The following PLEKHA6 variants were observed in gnomAD, a reference collection of about 807,000 sequenced individuals.
The protein encoded by PLEKHA6 is pleckstrin homology domain containing A6.
In PLEKHA6, 60 loss-of-function variants were observed where a neutral mutation model predicts 116.7. The ratio of observed to expected loss-of-function variants is 0.51; its 90% CI spans 0.42 to 0.64. The LOEUF is 0.64. PLEKHA6 is among the 30% of genes least tolerant of loss of function. The probability of loss-of-function intolerance (pLI) is 0.00; values close to 1 mark genes in which losing one functional copy is unlikely to be tolerated. For missense variants in PLEKHA6, 1,338 were observed against 1,422.7 expected, an observed-to-expected ratio of 0.94 and a Z score of 0.96; for synonymous variants, 489 against 556.1, an observed-to-expected ratio of 0.88 and a Z score of 1.70.
chr1:204,256,760 G>T (rs1340793036), intron 9 of PLEKHA6: 1 of 559,436 alleles, frequency 1.8e-6, no homozygotes, highest in African/African-American at 1.9e-5. Context: ...GGAGCACGGT[G>T]CGGGGAGGCC....
At chr1:204,351,315 A>G (rs1458053055) in intron 1 of PLEKHA6, among the ~76,000 whole-genome samples, 1 of 152,238 alleles carries the variant, frequency 6.6e-6, no homozygotes, top group East Asian at 1.9e-4. Context: ...GGCATGAACC[A>G]CAAGCCGTCC....
intron 1 of PLEKHA6, among the ~76,000 whole-genome samples, chr1:204,358,828 T>C (rs1480617279): frequency 6.6e-6 from 1 of 151,710 alleles, no homozygotes; most frequent in African/African-American, 2.4e-5. Flanking sequence ...ACAGCCCCCT[T>C]CCCTGCCCTG....
At chr1:204,234,067 A>C (rs1661597522) in intron 17 of PLEKHA6, among the ~76,000 whole-genome samples, 1 of 152,198 alleles carries the variant, frequency 6.6e-6, no homozygotes, top group African/African-American at 2.4e-5. Flanking sequence ...CTGTAAACTT[A>C]TCTGGAAATA....
intron 5 of PLEKHA6, among the ~76,000 whole-genome samples, chr1:204,265,255 T>C (rs980699070): frequency 1.3e-5 from 2 of 152,216 alleles, no homozygotes; most frequent in Non-Finnish European, 2.9e-5. Flanking sequence ...GAGATGCTGT[T>C]CCAGACACTG....
At chr1:204,242,103 ACTT>A (rs1428696807) in intron 15 of PLEKHA6, among the ~76,000 whole-genome samples, 5 of 152,096 alleles carry the variant, frequency 3.3e-5, no homozygotes, top group Non-Finnish European at 4.4e-5. Context: ...AGAACCACAG[ACTT>A]GCTGTGAGCC....
At chr1:204,354,176 C>T (rs1281072414) in intron 1 of PLEKHA6, among the ~76,000 whole-genome samples, 1 of 152,200 alleles carries the variant, frequency 6.6e-6, no homozygotes, top group Non-Finnish European at 1.5e-5. Flanking sequence ...GGGACCTCAC[C>T]TCCTCCTTAA....
intron 1 of PLEKHA6, among the ~76,000 whole-genome samples, chr1:204,349,690 C>T (rs1439625534): frequency 6.6e-6 from 1 of 152,186 alleles, no homozygotes; most frequent in Non-Finnish European, 1.5e-5. Context: ...GCTTCTGGCC[C>T]TAGGCAAGTC....
chr1:204,363,894 A>G (rs984014414), upstream of PLEKHA6, among the ~76,000 whole-genome samples: 1 of 152,072 alleles, frequency 6.6e-6, no homozygotes, highest in African/African-American at 2.4e-5. Context: ...CGTTTCTCCC[A>G]CGTTTTAACC....
intron 3 of PLEKHA6, among the ~76,000 whole-genome samples, chr1:204,367,592 GT>G (rs1673687055): frequency 6.6e-6 from 1 of 152,112 alleles, no homozygotes; most frequent in Non-Finnish European, 1.5e-5. Flanking sequence ...ACTGACACTG[GT>G]TACTGCCCAG....
At chr1:204,341,712 G>A (rs931750901) in intron 1 of PLEKHA6, among the ~76,000 whole-genome samples, 1 of 152,180 alleles carries the variant, frequency 6.6e-6, no homozygotes, top group Non-Finnish European at 1.5e-5. Flanking sequence ...ATGGCAGAAT[G>A]AGGATTCCAT....
At chr1:204,279,423 C>T (rs1295699669) in intron 1 of PLEKHA6, among the ~76,000 whole-genome samples, 4 of 152,168 alleles carry the variant, frequency 2.6e-5, no homozygotes, top group Non-Finnish European at 5.9e-5. Flanking sequence ...TTTAGTTAGA[C>T]ATCAAGAAGA....
intron 17 of PLEKHA6, among the ~76,000 whole-genome samples, chr1:204,233,046 T>C (rs1176054146): frequency 1.3e-5 from 2 of 152,138 alleles, no homozygotes; most frequent in Non-Finnish European, 2.9e-5. Context: ...CAAATGGTCC[T>C]CCTGCCTCAG....
At chr1:204,282,639 C>G in intron 1 of PLEKHA6, 1 of 985,166 alleles carries the variant, frequency 1.0e-6, no homozygotes, top group Non-Finnish European at 1.2e-6. Flanking sequence ...CCTTAACTGT[C>G]TCAACACTGA....
intron 1 of PLEKHA6, among the ~76,000 whole-genome samples, chr1:204,333,932 C>T (rs1672547999): frequency 6.6e-6 from 1 of 152,202 alleles, no homozygotes; most frequent in South Asian, 2.1e-4. Flanking sequence ...GACAAGCTTT[C>T]CTAATCAGCC....
At position 204,326,113 on chromosome 1, in the gene PLEKHA6, G is replaced by A. The variant is rs142470940; in HGVS notation, c.-95+33581C>T. The A allele has an allele frequency of 3.2e-3, 496 of 154,024 alleles. 9 individuals are homozygous for A. The highest frequency in any genetic ancestry group is 2.6e-3 in the Non-Finnish European group (180 of 69,628). 9.5% of individuals were successfully genotyped at this position (154,024 alleles called of 1,614,324 possible). The stretch of plus-strand genomic sequence containing the variant: ...GTGAGGCAGGCTCTGAGCACTCCAC[G>A]TGTCCAGTCCTGCTGTGGCCAACTT... On this transcript the variant is annotated intron_variant, in intron 1 of 22. Coordinates refer to ENST00000272203, the MANE Select transcript of PLEKHA6 (RefSeq NM_014935.5).
At chr1:204,333,530 T>C (rs1269834289) in intron 1 of PLEKHA6, among the ~76,000 whole-genome samples, 1 of 152,252 alleles carries the variant, frequency 6.6e-6, no homozygotes, top group Admixed American at 6.5e-5. Flanking sequence ...AAGGAAGCAC[T>C]ATATTATCAT....
chr1:204,353,257 G>A (rs1372357454), intron 1 of PLEKHA6, among the ~76,000 whole-genome samples: 1 of 152,206 alleles, frequency 6.6e-6, no homozygotes, highest in Admixed American at 6.5e-5. Context: ...CCTTGAAGAA[G>A]TACAGTGGAG....
chr1:204,280,269 C>A, intron 1 of PLEKHA6: 1 of 977,962 alleles, frequency 1.0e-6, no homozygotes, highest in Non-Finnish European at 1.2e-6. Context: ...TCAGCCTCCA[C>A]GTGCAGTATA....
At chr1:204,298,131 G>A (rs1241183763) in intron 1 of PLEKHA6, among the ~76,000 whole-genome samples, 1 of 152,242 alleles carries the variant, frequency 6.6e-6, no homozygotes, top group Non-Finnish European at 1.5e-5. Flanking sequence ...GCAGCAGCCA[G>A]TCAAAAATGC....
Sources: allele counts gnomAD v4.1 joint callset (sites outside exome capture counted in the v4.1 genomes callset), GRCh38; gene constraint gnomAD v4.1.1; transcripts MANE v1.5; gene names NCBI Gene and HGNC (gene_info 2026-07-23, HGNC 2026-07-21).